The following STK3 variants were observed in gnomAD, a reference collection of about 807,000 sequenced individuals.
STK3 encodes the protein serine/threonine kinase 3.
A neutral mutation model predicts 58.0 loss-of-function variants in STK3; 41 were observed. The observed-to-expected ratio is 0.71, with a 90% CI of 0.55 to 0.92. The LOEUF (loss-of-function observed/expected upper bound fraction) is 0.92. STK3 is among the 40% of genes least tolerant of loss of function. The probability of loss-of-function intolerance (pLI) is 0.00; values close to 1 mark genes in which losing one functional copy is unlikely to be tolerated. For synonymous variants in STK3, 170 were observed against 191.0 expected (o/e 0.89, Z 0.91); for missense variants, 479 against 602.7 (o/e 0.79, Z 2.15).
intron 6 of STK3, among the ~76,000 whole-genome samples, chr8:98,697,131 T>C (rs2130996858): frequency 6.6e-6 from 1 of 152,376 alleles, no homozygotes; most frequent in South Asian, 2.1e-4. Flanking sequence ...CTAGATTTTC[T>C]AGTTTATTTG....
At chr8:98,646,069 G>A (rs946483997) in intron 6 of STK3, among the ~76,000 whole-genome samples, 8 of 152,202 alleles carry the variant, frequency 5.3e-5, no homozygotes, top group African/African-American at 1.7e-4. Flanking sequence ...AACACTAAGA[G>A]CAGATGACAT....
intron 8 of STK3, among the ~76,000 whole-genome samples, chr8:98,549,136 T>C (rs1381473654): frequency 1.3e-5 from 2 of 152,178 alleles, no homozygotes; most frequent in African/African-American, 4.8e-5. Context: ...GAAGTACAAT[T>C]GCTGGATCAC....
chr8:98,607,593 T>A (rs1816875294), intron 6 of STK3, among the ~76,000 whole-genome samples: 1 of 152,222 alleles, frequency 6.6e-6, no homozygotes, highest in Non-Finnish European at 1.5e-5. Context: ...GAAATACGCA[T>A]AAACTATACC....
intron 6 of STK3, chr8:98,633,620 T>C (rs531974407): frequency 1.9e-5 from 14 of 740,634 alleles, no homozygotes; most frequent in African/African-American, 1.9e-4. Context: ...GGAGGAACAT[T>C]GGTGTTACAG....
intron 7 of STK3, among the ~76,000 whole-genome samples, chr8:98,581,184 T>C (rs760552952): frequency 9.1e-4 from 139 of 152,188 alleles, no homozygotes; most frequent in Non-Finnish European, 2.6e-4. Flanking sequence ...GCCTGGGCTA[T>C]GGAGGGCTCC....
intron 10 of STK3, among the ~76,000 whole-genome samples, chr8:98,525,717 T>A (rs1825695419): frequency 1.3e-5 from 2 of 152,092 alleles, no homozygotes; most frequent in African/African-American, 4.8e-5. Context: ...TTGCTAGCAA[T>A]TAGTACTAAA....
chr8:98,710,890 A>C (rs539409606), intron 4 of STK3, among the ~76,000 whole-genome samples: 8 of 152,206 alleles, frequency 5.3e-5, no homozygotes, highest in Non-Finnish European at 1.2e-4. Flanking sequence ...GGCAGCCCCA[A>C]GTAGGGGCAG....
intron 7 of STK3, among the ~76,000 whole-genome samples, chr8:98,594,537 T>C (rs1216050684): frequency 1.3e-5 from 2 of 151,780 alleles, no homozygotes; most frequent in Admixed American, 1.3e-4. Context: ...GAGGCAGAGG[T>C]TGCAGTGAGC....
intron 1 of STK3, among the ~76,000 whole-genome samples, chr8:98,899,747 TA>T (rs1271788543): frequency 1.3e-5 from 2 of 151,920 alleles, no homozygotes; most frequent in African/African-American, 4.8e-5. Flanking sequence ...CCCTGGGAGG[TA>T]AAAATTATTG....
At chr8:98,425,164 T>G (rs983418462) in intron 3 of STK3, among the ~76,000 whole-genome samples, 6 of 152,122 alleles carry the variant, frequency 3.9e-5, no homozygotes, top group Non-Finnish European at 8.8e-5. Flanking sequence ...ATGAAGGAGA[T>G]CCAGGGGCTC....
At chr8:98,419,820 T>A (rs1054555296) in intron 3 of STK3, among the ~76,000 whole-genome samples, 1 of 152,158 alleles carries the variant, frequency 6.6e-6, no homozygotes, top group Admixed American at 6.5e-5. Flanking sequence ...TGTGCAGAGG[T>A]GAAGTCTGCC....
intron 6 of STK3, among the ~76,000 whole-genome samples, chr8:98,668,378 T>A (rs1157367636): frequency 1.3e-5 from 2 of 152,182 alleles, no homozygotes; most frequent in African/African-American, 4.8e-5. Context: ...TTTCAGACAG[T>A]TCAAAGTTTT....
intron 3 of STK3, among the ~76,000 whole-genome samples, chr8:98,847,721 T>C (rs1836264923): frequency 6.6e-6 from 1 of 152,260 alleles, no homozygotes; most frequent in Non-Finnish European, 1.5e-5. Context: ...AAAAAGGTTT[T>C]TTTTTGTTTG....
intron 6 of STK3, among the ~76,000 whole-genome samples, chr8:98,668,845 A>C (rs1412370663): frequency 1.3e-5 from 2 of 152,220 alleles, no homozygotes; most frequent in Admixed American, 6.5e-5. Context: ...ACATCAAAAA[A>C]AGATGAGTCA....
At chr8:98,886,826 G>A (rs1029980384) in intron 1 of STK3, among the ~76,000 whole-genome samples, 5 of 152,128 alleles carry the variant, frequency 3.3e-5, no homozygotes, top group African/African-American at 9.7e-5. Context: ...GGCCAGGCAC[G>A]GTGGCTCATG....
At chr8:98,680,148 G>A (rs1823526912) in intron 6 of STK3, among the ~76,000 whole-genome samples, 1 of 152,120 alleles carries the variant, frequency 6.6e-6, no homozygotes, top group Admixed American at 6.5e-5. Context: ...ATGCACCTGA[G>A]TATCTGTTAT....
intron 1 of STK3, 79 bp from the exon 2 acceptor site, chr8:98,774,898 C>A: frequency 1.0e-6 from 1 of 979,982 alleles, no homozygotes; most frequent in Non-Finnish European, 1.5e-6. Flanking sequence ...AAAATTTTAC[C>A]AAGTTTTTAA....
intron 1 of STK3, among the ~76,000 whole-genome samples, chr8:98,902,608 A>T (rs1838699310): frequency 6.6e-6 from 1 of 152,148 alleles, no homozygotes; most frequent in East Asian, 1.9e-4. Flanking sequence ...TCCCACTGTC[A>T]CCGTCCTGGC....
intron 3 of STK3, chr8:98,427,791 G>T: frequency 3.5e-6 from 2 of 579,576 alleles, no homozygotes; most frequent in South Asian, 2.2e-5. Context: ...CCTGGGAGGG[G>T]ATCAGACCCC....
Sources: gnomAD v4.1 joint callset for allele counts (sites outside exome capture counted in the v4.1 genomes callset) on GRCh38, gnomAD v4.1.1 for gene constraint, MANE v1.5 for transcripts, NCBI Gene and HGNC (gene_info 2026-07-23, HGNC 2026-07-21) for gene names.